Variants in MAP4 observed in about 807,000 individuals in gnomAD.
MAP4 encodes microtubule-associated protein 4.
A neutral mutation model predicts 170.2 loss-of-function variants in MAP4; 76 were observed. The ratio of observed to expected loss-of-function variants is 0.45; its 90% CI spans 0.37 to 0.54. MAP4 has a LOEUF of 0.54. Among genes scored for constraint, MAP4 ranks in the 20% least tolerant of loss-of-function variants. The pLI, the probability that MAP4 is intolerant of heterozygous loss-of-function variation, is 0.00. For synonymous variants in MAP4, 909 were observed against 994.5 expected (o/e 0.91, Z 1.62); for missense variants, 2,506 against 2,748.0 (o/e 0.91, Z 1.97).
intron 1 of MAP4, among the ~76,000 whole-genome samples, chr3:48,049,659 G>A (rs1196063962): frequency 1.3e-5 from 2 of 151,926 alleles, no homozygotes; most frequent in Admixed American, 6.6e-5. Flanking sequence ...AAGGCCAGGT[G>A]TGGTGGCTCA....
chr3:48,015,093 GCCT>G (rs1456241547), intron 1 of MAP4, among the ~76,000 whole-genome samples: 1 of 152,020 alleles, frequency 6.6e-6, no homozygotes, highest in Non-Finnish European at 1.5e-5. Context: ...TCAAAATATC[GCCT>G]CCTGTCAGTT....
chr3:48,025,810 G>T (rs1380279429), intron 1 of MAP4, among the ~76,000 whole-genome samples: 1 of 151,492 alleles, frequency 6.6e-6, no homozygotes, highest in Non-Finnish European at 1.5e-5. Context: ...TGAGGCAGGA[G>T]AATTACTTGA....
chr3:47,903,572 G>A (rs538672342), intron 9 of MAP4, among the ~76,000 whole-genome samples: 1 of 151,600 alleles, frequency 6.6e-6, no homozygotes, highest in East Asian at 1.9e-4. Flanking sequence ...GAAAAGTTGA[G>A]CTTAGACTTC....
At chr3:48,027,571 G>A (rs966659432) in intron 1 of MAP4, among the ~76,000 whole-genome samples, 2 of 152,066 alleles carry the variant, frequency 1.3e-5, no homozygotes, top group African/African-American at 2.4e-5. Flanking sequence ...AGGGCCAGGC[G>A]CGTTGGCTCA....
At chr3:47,945,123 C>T (rs777011026) in intron 3 of MAP4, among the ~76,000 whole-genome samples, 20 of 151,642 alleles carry the variant, frequency 1.3e-4, no homozygotes, top group African/African-American at 4.8e-5. Flanking sequence ...GAGGCTGAGG[C>T]GGGTGAATCA....
At chr3:47,869,356 T>A (rs1390233890) in intron 15 of MAP4, 29 bp from the exon 16 acceptor site, 1 of 1,459,400 alleles carries the variant, frequency 6.9e-7, no homozygotes, top group Admixed American at 1.7e-5. Flanking sequence ...AGGGCAAATT[T>A]CAAACCAAGA....
At position 47,852,735 on chromosome 3, in the gene MAP4, C is replaced by T; in HGVS notation, c.*199G>A. On this transcript the variant is annotated 3_prime_UTR_variant, in exon 21 of 21. Coordinates refer to ENST00000683076, the MANE Select transcript of MAP4 (RefSeq NM_001385682.1). ...CTGCTGCTGCCCCGGGCACGCAAAG[C>T]AGGAGGGAAGGCGAGCCTAGCGGGC... 6.5e-7 allele frequency: 1 copy of T among 1,530,718 alleles called. No homozygotes were observed. Among genetic ancestry groups the T allele is most frequent in the Non-Finnish European group, 8.8e-7 (1 of 1,141,158 alleles). The allele number at this position is 1,530,718 out of a possible 1,614,324, so 94.8% of individuals were successfully genotyped here. A position where few individuals can be genotyped will look rare whatever the true frequency, so the allele number is the denominator to read the frequency against.
chr3:47,932,014 C>T (rs995552345), intron 3 of MAP4: 3 of 152,138 alleles, frequency 2.0e-5, no homozygotes, highest in Non-Finnish European at 2.9e-5. Flanking sequence ...CACAGTTATA[C>T]AACCATCACC....
intron 1 of MAP4, among the ~76,000 whole-genome samples, chr3:48,029,218 ACTTG>A (rs2100114682): frequency 6.6e-6 from 1 of 150,454 alleles, no homozygotes; most frequent in Non-Finnish European, 1.5e-5. Context: ...CGGGCAGATC[ACTTG>A]AGGTCAGGAG....
chr3:47,853,443 A>AC lies in MAP4; in HGVS notation c.6697-92dup, dbSNP rs1348290906. On this transcript the variant is annotated intron_variant, in intron 19 of 20. Transcript: ENST00000683076. ...GTGGTGGGTTTCACACACAGCCCCC[A>AC]CCCTTGCTGCCCTGGCACCCACTGG... The AC allele has an allele frequency of 2.3e-5, 21 of 930,138 alleles. No homozygotes were observed. The Admixed American group carries it at 5.6e-4, about 25-fold the overall frequency. 57.6% of individuals were successfully genotyped at this position (930,138 alleles called of 1,614,324 possible). A position where few individuals can be genotyped will look rare whatever the true frequency, so the allele number is the denominator to read the frequency against.
At position 48,038,176 on chromosome 3, in the gene MAP4, GAAAAAA is replaced by G. The variant is rs397786308; in HGVS notation, c.-19-39303_-19-39298del. Among the ~76,000 whole-genome samples the G allele has an allele frequency of 2.8e-4, 33 of 118,874 alleles. 1 individual carries two copies. The South Asian group carries it at 8.3e-3, about 30-fold the overall frequency. The allele number at this position is 118,874 out of a possible 152,430, so 78.0% of individuals were successfully genotyped here. A position where few individuals can be genotyped will look rare whatever the true frequency, so the allele number is the denominator to read the frequency against. On this transcript the variant is annotated intron_variant, in intron 1 of 18. Transcript: ENST00000360240. ...GAGCAAGACTCCATCTCCAAAAAAA[GAAAAAA>G]AAAAAAAAAAAAGAGTGAGGATTTT... is the stretch of plus-strand genomic sequence containing the variant.
At chr3:47,899,155 A>G (rs1323528756) in intron 10 of MAP4, among the ~76,000 whole-genome samples, 1 of 152,194 alleles carries the variant, frequency 6.6e-6, no homozygotes, top group Non-Finnish European at 1.5e-5. Flanking sequence ...AAGTTTGAAA[A>G]GGGTGAGCCT....
chr3:48,070,238 A>G lies in MAP4; in HGVS notation c.-20+18535T>C, dbSNP rs531114653. 2.7e-5 allele frequency among the ~76,000 whole-genome samples: 4 copies of G among 150,314 alleles called. No individual in the cohort carries two copies. In the South Asian group the frequency reaches 8.4e-4, roughly 32 times the overall value. On this transcript the variant is annotated intron_variant, in intron 1 of 18. Transcript: ENST00000360240. ...CTCCCTCCTCAGGTGCTACTTAACCAGGCTTGTTTTGAACTCCTGGCCTCA... is the reference window on the plus strand; with the variant it reads ...CTCCCTCCTCAGGTGCTACTTAACCGGGCTTGTTTTGAACTCCTGGCCTCA...
intron 1 of MAP4, among the ~76,000 whole-genome samples, chr3:48,050,646 C>A (rs1471464591): frequency 6.6e-6 from 1 of 150,906 alleles, no homozygotes. Flanking sequence ...CGGTGGCCCA[C>A]AACTGTAATC....
chr3:48,079,453 A>T (rs2100145508), intron 1 of MAP4, among the ~76,000 whole-genome samples: 1 of 151,494 alleles, frequency 6.6e-6, no homozygotes, highest in South Asian at 2.1e-4. Flanking sequence ...CAGGAGTTCA[A>T]GACCAGCCTG....
intron 16 of MAP4, among the ~76,000 whole-genome samples, chr3:47,868,921 G>C (rs1481295945): frequency 6.6e-6 from 1 of 152,140 alleles, no homozygotes; most frequent in African/African-American, 2.4e-5. Flanking sequence ...TTCACATCAA[G>C]GTCAGTGTGA....
intron 3 of MAP4, among the ~76,000 whole-genome samples, chr3:47,969,144 A>T (rs1240111592): frequency 6.6e-6 from 1 of 152,244 alleles, no homozygotes; most frequent in Non-Finnish European, 1.5e-5. Flanking sequence ...GCAGTGGCTC[A>T]CGCCTGTAAT....
In MAP4 at chr3:47,909,425, C is replaced by T. The variant is rs886885931; in HGVS notation, c.4996G>A (p.Glu1666Lys). 6.2e-7 allele frequency: 1 copy of T among 1,613,506 alleles called. No homozygotes were observed. Residue 1666 changes from glutamate to lysine, a missense_variant, in exon 9 of 21, where the codon GAA becomes AAA. By Grantham distance (56) the Glu-to-Lys change is moderately conservative. Around this residue, in one of 3 missense-constraint regions of MAP4, gnomAD observed 2,008 missense variants for 2,206.0 expected, o/e 0.91. Coordinates refer to ENST00000683076, the MANE Select transcript of MAP4 (RefSeq NM_001385682.1). Reference sequence around the variant, plus strand: ...CTAATTTCTTTCAATTTATCATTTTCACTTTTTGGAGACAAAAGAGTCAGA... The same window carrying T: ...CTAATTTCTTTCAATTTATCATTTTTACTTTTTGGAGACAAAAGAGTCAGA... The part of the protein sequence containing the change: ...VDLTLLSPKS[E>K]NDKLKEISLA...
chr3:48,047,201 T>C (rs971560004), intron 1 of MAP4, among the ~76,000 whole-genome samples: 1 of 152,144 alleles, frequency 6.6e-6, no homozygotes, highest in Non-Finnish European at 1.5e-5. Flanking sequence ...TTATAACCTA[T>C]ATAATTTATC....
Sources: gnomAD v4.1 joint callset for allele counts (sites outside exome capture counted in the v4.1 genomes callset) on GRCh38, gnomAD v4.1.1 for gene constraint, gnomAD v4.1.1 regional missense constraint, MANE v1.5 for transcripts, NCBI Gene and HGNC (gene_info 2026-07-23, HGNC 2026-07-21) for gene names.